Variants in GRID2 observed in about 807,000 individuals in gnomAD.
GRID2 encodes glutamate ionotropic receptor delta type subunit 2, also known as glutamate receptor ionotropic, delta-2.
GRID2 carries 33 observed loss-of-function variants against 114.8 expected under a neutral mutation model. The observed-to-expected ratio is 0.29, with a 90% CI of 0.22 to 0.38. The LOEUF (loss-of-function observed/expected upper bound fraction) is 0.38. Ranked by LOEUF, GRID2 falls within the 10% of genes least tolerant of loss-of-function variation. The pLI, the probability that GRID2 is intolerant of heterozygous loss-of-function variation, is 1.00. For missense variants in GRID2, 1,184 were observed against 1,257.7 expected, an observed-to-expected ratio of 0.94 and a Z score of 0.89; for synonymous variants, 505 against 449.9, an observed-to-expected ratio of 1.12 and a Z score of -1.55.
intron 14 of GRID2, among the ~76,000 whole-genome samples, chr4:93,738,261 A>C (rs1251550102): frequency 3.3e-5 from 5 of 152,178 alleles, no homozygotes; most frequent in Non-Finnish European, 7.4e-5. Context: ...TTTGTTCGTC[A>C]TATCAAGGAC....
intron 2 of GRID2, among the ~76,000 whole-genome samples, chr4:92,693,778 A>C (rs928528061): frequency 3.9e-5 from 6 of 152,260 alleles, no homozygotes; most frequent in Non-Finnish European, 8.8e-5. Flanking sequence ...AACTTAAATT[A>C]TAGTTATTAA....
At chr4:93,806,485 A>G (rs956753185) in intron 1 of GRID2, among the ~76,000 whole-genome samples, 7 of 152,214 alleles carry the variant, frequency 4.6e-5, no homozygotes, top group African/African-American at 1.4e-4. Flanking sequence ...AACAGGTTCT[A>G]TTGAACCAGC....
Position 92,440,897 on chromosome 4 carries a change from G to T in GRID2, c.88+136153G>T, listed in dbSNP as rs1005896278. On this transcript the variant is annotated intron_variant, in intron 1 of 15. Transcript: ENST00000282020. ...AATTGTGGGAGACTCAATAAAGAGT[G>T]AGTATAGCTGAAGGAGCCGGGAAGC... 3.3e-5 allele frequency among the ~76,000 whole-genome samples: 5 copies of T among 152,260 alleles called. No homozygotes were observed. The South Asian group carries it at 8.3e-4, about 25-fold the overall frequency.
chr4:92,780,042 GAAAAC>G (rs1321919460), intron 2 of GRID2, among the ~76,000 whole-genome samples: 1 of 152,092 alleles, frequency 6.6e-6, no homozygotes, highest in Non-Finnish European at 1.5e-5. Context: ...TAATTACTGA[GAAAAC>G]AAAACTAATA....
At chr4:93,434,089 A>G (rs932699080) in intron 10 of GRID2, among the ~76,000 whole-genome samples, 12 of 152,210 alleles carry the variant, frequency 7.9e-5, no homozygotes, top group Non-Finnish European at 1.8e-4. Flanking sequence ...ACATCAGTGG[A>G]ATGAAGCTAT....
At chr4:92,421,764 C>G (rs530093854) in intron 1 of GRID2, among the ~76,000 whole-genome samples, 2 of 152,180 alleles carry the variant, frequency 1.3e-5, no homozygotes, top group Admixed American at 6.5e-5. Flanking sequence ...AAATCTTGCA[C>G]AAGTTCCTTT....
intron 2 of GRID2, among the ~76,000 whole-genome samples, chr4:92,985,225 ATT>A (rs778500467): frequency 4.3e-5 from 6 of 141,140 alleles, no homozygotes; most frequent in Non-Finnish European, 3.1e-5. Flanking sequence ...AATAAGGGTA[ATT>A]TTTTTTTTTT....
intron 14 of GRID2, among the ~76,000 whole-genome samples, chr4:93,638,059 C>G (rs958390709): frequency 4.6e-5 from 7 of 152,092 alleles, no homozygotes; most frequent in Admixed American, 2.6e-4. Flanking sequence ...CCAGGTAAGT[C>G]TAACATAAGC....
At chr4:92,324,542 C>T (rs1726487685) in intron 1 of GRID2, among the ~76,000 whole-genome samples, 1 of 151,558 alleles carries the variant, frequency 6.6e-6, no homozygotes, top group African/African-American at 2.4e-5. Flanking sequence ...CTTAGGTTTC[C>T]TATGCTATGT....
At chr4:93,036,593 A>T (rs905248124) in intron 2 of GRID2, among the ~76,000 whole-genome samples, 1 of 152,180 alleles carries the variant, frequency 6.6e-6, no homozygotes, top group African/African-American at 2.4e-5. Flanking sequence ...TCATAAAAAG[A>T]TAAGGAAGTT....
At chr4:92,539,826 A>G (rs895281297) in intron 1 of GRID2, among the ~76,000 whole-genome samples, 2 of 152,108 alleles carry the variant, frequency 1.3e-5, no homozygotes, top group Non-Finnish European at 2.9e-5. Context: ...AATAATTATC[A>G]CTGAAATGTC....
intron 4 of GRID2, among the ~76,000 whole-genome samples, chr4:93,185,832 G>C (rs540977981): frequency 2.6e-5 from 4 of 152,142 alleles, no homozygotes; most frequent in South Asian, 4.2e-4. Context: ...GTGCCGTGTT[G>C]GTTTGCTGCA....
At chr4:93,605,648 T>C (rs1320121577) in intron 13 of GRID2, among the ~76,000 whole-genome samples, 1 of 152,176 alleles carries the variant, frequency 6.6e-6, no homozygotes, top group African/African-American at 2.4e-5. Flanking sequence ...TGAATAATTC[T>C]TCAACAAAAA....
intron 1 of GRID2, among the ~76,000 whole-genome samples, chr4:93,805,611 G>A (rs1331774374): frequency 6.6e-6 from 1 of 152,158 alleles, no homozygotes; most frequent in Non-Finnish European, 1.5e-5. Flanking sequence ...CTAGGTACAA[G>A]CTCTCCTAAC....
At chr4:92,537,284 A>G (rs184409490) in intron 1 of GRID2, among the ~76,000 whole-genome samples, 283 of 152,286 alleles carry the variant, frequency 1.9e-3, no homozygotes, top group African/African-American at 6.6e-3. Flanking sequence ...ACATACTATT[A>G]TTAATTAGCT....
At chr4:92,797,729 T>G (rs1276797382) in intron 2 of GRID2, among the ~76,000 whole-genome samples, 1 of 151,944 alleles carries the variant, frequency 6.6e-6, no homozygotes, top group Non-Finnish European at 1.5e-5. Context: ...CATCTGCAAA[T>G]TTTTTTCAAA....
intron 2 of GRID2, among the ~76,000 whole-genome samples, chr4:92,828,466 T>C (rs1046908959): frequency 2.6e-5 from 4 of 152,106 alleles, no homozygotes; most frequent in African/African-American, 4.8e-5. Context: ...TTGTATAGAA[T>C]AGTGTGCTAA....
chr4:93,540,392 CT>C (rs1399328738), intron 13 of GRID2, among the ~76,000 whole-genome samples: 1 of 151,866 alleles, frequency 6.6e-6, no homozygotes, highest in Non-Finnish European at 1.5e-5. Context: ...GCAATAGAGA[CT>C]TTTGATATCT....
At chr4:93,353,072 A>G (rs1049837141) in intron 8 of GRID2, among the ~76,000 whole-genome samples, 1 of 152,044 alleles carries the variant, frequency 6.6e-6, no homozygotes, top group African/African-American at 2.4e-5. Flanking sequence ...CAGTTCCCCA[A>G]TGGGATGTGC....
Sources: gnomAD v4.1 joint callset for allele counts (sites outside exome capture counted in the v4.1 genomes callset) on GRCh38, gnomAD v4.1.1 for gene constraint, MANE v1.5 for transcripts, NCBI Gene and HGNC (gene_info 2026-07-23, HGNC 2026-07-21) for gene names.